Variants in MMEL1 observed in about 807,000 individuals in gnomAD.
MMEL1 encodes membrane metallo-endopeptidase-like 1.
In MMEL1, 98 loss-of-function variants were observed where a neutral mutation model predicts 117.1. That is an observed-to-expected ratio of 0.84 (90% CI 0.71 to 0.99). The LOEUF (loss-of-function observed/expected upper bound fraction) is 0.99. MMEL1 is among the 50% of genes least tolerant of loss of function. The pLI is 0.00. For missense variants in MMEL1, 1,014 were observed against 1,049.1 expected, an observed-to-expected ratio of 0.97 and a Z score of 0.46; for synonymous variants, 390 against 415.1, an observed-to-expected ratio of 0.94 and a Z score of 0.74.
intron 11 of MMEL1, among the ~76,000 whole-genome samples, chr1:2,603,273 C>G (rs367805784): frequency 1.3e-5 from 2 of 152,216 alleles, no homozygotes; most frequent in Non-Finnish European, 2.9e-5. Context: ...CACCCTTTGC[C>G]GAAGCTGCAC....
Position 2,605,525 on chromosome 1 carries a change from G to T in MMEL1, c.816+33C>A, listed in dbSNP as rs774537386. ...ACCACGGGGTAGGGGGTGATGGGGGGGTCATCTGGCATTGCGGTGAGGACC... is the reference window on the plus strand; with the variant it reads ...ACCACGGGGTAGGGGGTGATGGGGGTGTCATCTGGCATTGCGGTGAGGACC... On this transcript the variant is annotated intron_variant, in intron 9 of 23. Transcript: ENST00000378412. 6.9e-6 allele frequency: 11 copies of T among 1,592,324 alleles called. No homozygotes were observed. In the Admixed American group the frequency reaches 1.8e-4, roughly 27 times the overall value.
chr1:2,613,642 C>G (rs1645162150), intron 2 of MMEL1, among the ~76,000 whole-genome samples: 1 of 152,016 alleles, frequency 6.6e-6, no homozygotes, highest in South Asian at 2.1e-4. Flanking sequence ...AGAGGAGAGG[C>G]CTGTGGCTGC....
chr1:2,629,734 C>G (rs908187083), intron 1 of MMEL1: 1 of 463,154 alleles, frequency 2.2e-6, no homozygotes, highest in Non-Finnish European at 3.8e-6. Flanking sequence ...CATGGAGGTT[C>G]TAGGACTGGG....
chr1:2,621,582 T>G (rs943596235), intron 2 of MMEL1, among the ~76,000 whole-genome samples: 9 of 151,364 alleles, frequency 5.9e-5, no homozygotes, highest in East Asian at 3.9e-4. Flanking sequence ...ATTTTTTTTT[T>G]TTTGTTTTGG....
rs1389989752 is a variant in MMEL1 at position 2,609,657 on chromosome 1, C to T, written c.454+13G>A. The T allele has an allele frequency of 1.1e-5, 17 of 1,600,784 alleles. No homozygotes were observed. Among genetic ancestry groups the T allele is most frequent in the Admixed American group, 3.4e-5 (2 of 59,446 alleles). ...GGCGTCACCCCACTGCACCCCCGGC[C>T]GTGCTCTGCCACCTTTGAGGATGAC... On this transcript the variant is annotated intron_variant, in intron 5 of 23. Transcript: ENST00000378412.
intron 7 of MMEL1, 71 bp downstream of exon 7, chr1:2,606,903 T>C (rs1264623329): frequency 3.5e-6 from 5 of 1,431,320 alleles, no homozygotes. Flanking sequence ...CTGGAAGGCC[T>C]CAGACCGAAG....
At position 2,595,838 on chromosome 1, in the gene MMEL1, CCCCG is replaced by C. The variant is rs1644827948; in HGVS notation, c.1500+167_1500+170del. On this transcript the variant is annotated intron_variant, in intron 15 of 23. Transcript: ENST00000378412. The surrounding 1 kb of genome is among the most constrained non-coding windows in gnomAD (Gnocchi z 4.8). ...TCTGCGCCTCCCGGGGCTGCCTTCT[CCCCG>C]TGGGGTCCTGTCTGCGCCTCCCGGG... Among the ~76,000 whole-genome samples, 3 of 144,756 alleles carry C rather than the reference CCCCG, an allele frequency of 2.1e-5. No homozygotes were observed. The highest frequency in any genetic ancestry group is 8.1e-5 in the African/African-American group (3 of 37,040). 95.0% of individuals were successfully genotyped at this position (144,756 alleles called of 152,430 possible). A position where few individuals can be genotyped will look rare whatever the true frequency, so the allele number is the denominator to read the frequency against.
At chr1:2,615,180 A>G (rs1249057887) in intron 2 of MMEL1, among the ~76,000 whole-genome samples, 4 of 152,180 alleles carry the variant, frequency 2.6e-5, no homozygotes, top group Non-Finnish European at 5.9e-5. Context: ...CTCAGGTGTG[A>G]GCTGCACACA....
intron 8 of MMEL1, 141 bp from the exon 9 acceptor site, chr1:2,605,764 C>G: frequency 2.4e-6 from 1 of 415,428 alleles, no homozygotes; most frequent in Non-Finnish European, 4.5e-6. Context: ...GAGCTTGTGC[C>G]GGACCCGGGA....
In MMEL1 at chr1:2,598,778, T is replaced by C. The variant is rs960374832; in HGVS notation, c.1054A>G (p.Thr352Ala). 5.6e-6 allele frequency: 9 copies of C among 1,612,066 alleles called. No individual in the cohort carries two copies. The highest frequency in any genetic ancestry group is 7.6e-6 in the Non-Finnish European group (9 of 1,178,730). ...SQFGLKGFNWTLFIQTVLSSV... is the reference protein window; with the variant it reads ...SQFGLKGFNWALFIQTVLSSV... The stretch of plus-strand genomic sequence containing the variant: ...GATAGCACAGTTTGTATGAACAGAG[T>C]CCAGTTAAATCCCTGCAGATAGAGG... Residue 352 changes from threonine to alanine, a missense_variant, in exon 12 of 24, where the codon ACT (threonine) becomes GCT (alanine). Thr to Ala is a moderately conservative substitution (Grantham distance 58). Coordinates refer to ENST00000378412, the MANE Select transcript of MMEL1 (RefSeq NM_033467.4).
chr1:2,605,672 C>A (rs1213282703), intron 8 of MMEL1, 49 bp from the exon 9 acceptor site: 1 of 1,494,058 alleles, frequency 6.7e-7, no homozygotes, highest in Non-Finnish European at 9.3e-7. Flanking sequence ...GGGGTCCCCG[C>A]AGCCTGGCTG....
At chr1:2,609,262 G>A in intron 6 of MMEL1, 77 bp downstream of exon 6, 4 of 1,433,606 alleles carry the variant, frequency 2.8e-6, no homozygotes, top group Non-Finnish European at 3.8e-6. Context: ...ATGGGGTCCT[G>A]GGGCTGCGCT....
intron 1 of MMEL1, among the ~76,000 whole-genome samples, chr1:2,631,113 A>G (rs934711309): frequency 1.3e-5 from 2 of 152,308 alleles, no homozygotes; most frequent in Admixed American, 1.3e-4. Context: ...ATGTGAGCAC[A>G]TGCATGGATG....
At chr1:2,607,158 C>G in intron 6 of MMEL1, 89 bp from the exon 7 acceptor site, 1 of 1,064,502 alleles carries the variant, frequency 9.4e-7, no homozygotes, top group Non-Finnish European at 1.4e-6. Context: ...TGGCCGGCGT[C>G]ACAGGTCCCC....
intron 16 of MMEL1, 86 bp from the exon 17 acceptor site, chr1:2,594,979 A>C: frequency 8.5e-7 from 1 of 1,175,006 alleles, no homozygotes; most frequent in Non-Finnish European, 1.2e-6. Context: ...TTGGGGAAGG[A>C]CCTCAAGCCT....
chr1:2,611,785 A>C (rs562691785), intron 3 of MMEL1, among the ~76,000 whole-genome samples: 1 of 151,632 alleles, frequency 6.6e-6, no homozygotes, highest in Non-Finnish European at 1.5e-5. Flanking sequence ...TGCCCAGCCC[A>C]CTCTCACCTG....
At chr1:2,607,687 T>C (rs987269690) in intron 6 of MMEL1, among the ~76,000 whole-genome samples, 2 of 152,066 alleles carry the variant, frequency 1.3e-5, no homozygotes, top group African/African-American at 4.8e-5. Flanking sequence ...AGGTGCCCCG[T>C]CAGGTCAAAG....
chr1:2,598,337 TGA>T, intron 12 of MMEL1, 37 bp from the exon 13 acceptor site: 1 of 1,597,294 alleles, frequency 6.3e-7, no homozygotes, highest in Non-Finnish European at 8.6e-7. Flanking sequence ...GGAGAACAGG[TGA>T]GAGGTCTTTG....
At chr1:2,594,589 C>A in intron 17 of MMEL1, 146 bp from the exon 18 acceptor site, 1 of 1,118,512 alleles carries the variant, frequency 8.9e-7, no homozygotes, top group Non-Finnish European at 1.3e-6. Context: ...TTCCTGGGGT[C>A]CCTGAGGAGG....
Sources: allele counts gnomAD v4.1 joint callset (sites outside exome capture counted in the v4.1 genomes callset), GRCh38; gene constraint gnomAD v4.1.1; non-coding constraint Gnocchi (gnomAD v3.1); transcripts MANE v1.5; gene names NCBI Gene and HGNC (gene_info 2026-07-23, HGNC 2026-07-21).